DPYSL3: variants seen among roughly 807,000 people sequenced by gnomAD.
DPYSL3 encodes dihydropyrimidinase like 3, also known as dihydropyrimidinase-related protein 3.
DPYSL3 carries 16 observed loss-of-function variants against 66.1 expected under a neutral mutation model. That is an observed-to-expected ratio of 0.24 (90% confidence interval 0.16 to 0.37). The LOEUF (loss-of-function observed/expected upper bound fraction) is 0.37. Among genes scored for constraint, DPYSL3 ranks in the 10% least tolerant of loss-of-function variants. The pLI, the probability that DPYSL3 is intolerant of heterozygous loss-of-function variation, is 1.00. For missense variants in DPYSL3, 738 were observed against 916.2 expected (o/e 0.81, Z 2.51); for synonymous variants, 338 against 345.1 (o/e 0.98, Z 0.23).
chr5:147,424,775 A>T, intron 2 of DPYSL3, 100 bp downstream of exon 2: 2 of 908,942 alleles, frequency 2.2e-6, no homozygotes, highest in Non-Finnish European at 3.3e-6. Context: ...TGATTAAATT[A>T]AGATTTTTTT....
At chr5:147,434,415 G>A (rs1561786811) in intron 1 of DPYSL3, among the ~76,000 whole-genome samples, 1 of 152,202 alleles carries the variant, frequency 6.6e-6, no homozygotes, top group Non-Finnish European at 1.5e-5. Flanking sequence ...GACTAGAGAA[G>A]TGACATCCAG....
intron 1 of DPYSL3, among the ~76,000 whole-genome samples, chr5:147,506,276 G>T (rs1027766304): frequency 1.3e-5 from 2 of 152,046 alleles, no homozygotes; most frequent in African/African-American, 4.8e-5. Flanking sequence ...TTTTTTTGGG[G>T]GTGGTTTGTT....
rs545482852 is a variant in DPYSL3, at chr5:147,449,680, C to G, written c.382-24717G>C. Among the ~76,000 whole-genome samples the G allele has an allele frequency of 1.4e-4, 22 of 152,334 alleles. No homozygotes were observed. In the East Asian group the frequency reaches 4.1e-3, roughly 28 times the overall value. On this transcript the variant is annotated intron_variant, in intron 1 of 13. Coordinates refer to ENST00000343218, the MANE Select transcript of DPYSL3 (RefSeq NM_001197294.2). ...GGCAACTCTAAATAACTGACTTCAC[C>G]TAACCATATTTCAATGTCCTTCCTT...
chr5:147,409,587 C>G (rs900950890), intron 6 of DPYSL3, among the ~76,000 whole-genome samples: 1 of 152,188 alleles, frequency 6.6e-6, no homozygotes, highest in African/African-American at 2.4e-5. Flanking sequence ...TGGCAAAATT[C>G]CTCAGACTTC....
chr5:147,501,968 G>A (rs529992940), intron 1 of DPYSL3, among the ~76,000 whole-genome samples: 5 of 152,126 alleles, frequency 3.3e-5, no homozygotes, highest in South Asian at 4.2e-4. Context: ...TTTTTAAAAA[G>A]GTGATATCTT....
chr5:147,471,463 A>T (rs1753084555), intron 1 of DPYSL3, among the ~76,000 whole-genome samples: 1 of 152,160 alleles, frequency 6.6e-6, no homozygotes. Context: ...ATGCTTCTTC[A>T]TTCTAATCTC....
intron 1 of DPYSL3, among the ~76,000 whole-genome samples, chr5:147,459,713 T>A (rs1282062723): frequency 1.3e-5 from 2 of 152,236 alleles, no homozygotes; most frequent in African/African-American, 4.8e-5. Context: ...AGACAGAGTT[T>A]CTCATTCTTT....
chr5:147,396,230 C>T (rs1561769708), intron 12 of DPYSL3, among the ~76,000 whole-genome samples: 1 of 152,124 alleles, frequency 6.6e-6, no homozygotes, highest in Non-Finnish European at 1.5e-5. Flanking sequence ...GGTGGGCAGG[C>T]CTTGAAGTGA....
At chr5:147,413,742 C>T in intron 4 of DPYSL3, 85 bp from the exon 5 acceptor site, 1 of 1,067,116 alleles carries the variant, frequency 9.4e-7, no homozygotes, top group Non-Finnish European at 1.4e-6. Flanking sequence ...CTTCCATCGA[C>T]CATAGCACCC....
chr5:147,454,003 TCGCGAGTGC>T (rs1752798830), intron 1 of DPYSL3: 1 of 164,832 alleles, frequency 6.1e-6, no homozygotes. Flanking sequence ...TTTTTCTGAT[TCGCGAGTGC>T]TGCGGAGTCA....
rs3792837 is a variant in DPYSL3 at position 147,394,119 on chromosome 5, G to A, written c.1971C>T (p.Thr657=). 9.6e-3 allele frequency: 15,487 copies of A among 1,613,984 alleles called. 1,167 individuals are homozygous for A. In the East Asian group the frequency reaches 0.2, roughly 21 times the overall value. ...CTGAGCGAACCCCCTCATCCACTTG[G>A]GTGCCTACAGTTGGAAATAAATTCC... ...LHQSGFSLSG[T]QVDEGVRSAS... is the part of the protein sequence containing the mutation. Residue 657 remains threonine (T), a synonymous_variant, in exon 14 of 14, where the codon ACC becomes ACT. Transcript: ENST00000343218.
At chr5:147,456,510 T>G (rs893263463) in intron 1 of DPYSL3, among the ~76,000 whole-genome samples, 51 of 151,716 alleles carry the variant, frequency 3.4e-4, no homozygotes, top group Admixed American at 3.2e-3. Context: ...TTTGGCACCA[T>G]CCTTGATTTC....
At chr5:147,453,510 G>A (rs1752780045) in intron 1 of DPYSL3, 1 of 1,517,034 alleles carries the variant, frequency 6.6e-7, no homozygotes, top group Non-Finnish European at 8.8e-7. Flanking sequence ...CGGACAGGGA[G>A]CGAGCGAGGA....
At chr5:147,421,658 A>G (rs181793346) in intron 2 of DPYSL3, among the ~76,000 whole-genome samples, 1 of 152,344 alleles carries the variant, frequency 6.6e-6, no homozygotes, top group East Asian at 1.9e-4. Flanking sequence ...GTAGCAAAAC[A>G]GATACATAGA....
intron 1 of DPYSL3, among the ~76,000 whole-genome samples, chr5:147,426,422 T>C (rs182226633): frequency 2.1e-4 from 32 of 152,156 alleles, no homozygotes; most frequent in African/African-American, 7.2e-4. Context: ...GGTAAGAGTT[T>C]GAGTTTGAAT....
chr5:147,456,528 C>T (rs1368899355), intron 1 of DPYSL3, among the ~76,000 whole-genome samples: 1 of 150,810 alleles, frequency 6.6e-6, no homozygotes, highest in African/African-American at 2.4e-5. Flanking sequence ...TTCTCTCCTT[C>T]AATCATGCCC....
At chr5:147,429,193 G>A (rs1331728858) in intron 1 of DPYSL3, among the ~76,000 whole-genome samples, 1 of 152,142 alleles carries the variant, frequency 6.6e-6, no homozygotes, top group Non-Finnish European at 1.5e-5. Context: ...AACCCAAAAT[G>A]AACGTATTCA....
At chr5:147,429,569 T>A (rs1752269562) in intron 1 of DPYSL3, among the ~76,000 whole-genome samples, 1 of 152,214 alleles carries the variant, frequency 6.6e-6, no homozygotes, top group Non-Finnish European at 1.5e-5. Context: ...ATACTTTGAA[T>A]GTTTTTAAGC....
At chr5:147,464,180 A>C (rs1436482173) in intron 1 of DPYSL3, among the ~76,000 whole-genome samples, 1 of 152,216 alleles carries the variant, frequency 6.6e-6, no homozygotes, top group Non-Finnish European at 1.5e-5. Flanking sequence ...CTGTGCAAGG[A>C]TAGGGAGCCA....
Sources: allele counts gnomAD v4.1 joint callset (sites outside exome capture counted in the v4.1 genomes callset), GRCh38; gene constraint gnomAD v4.1.1; transcripts MANE v1.5; gene names NCBI Gene and HGNC (gene_info 2026-07-23, HGNC 2026-07-21).